The following KIAA0513 variants were observed in gnomAD, a reference collection of about 807,000 sequenced individuals.
KIAA0513 encodes the protein KIAA0513.
KIAA0513 carries 39 observed loss-of-function variants against 56.5 expected under a neutral mutation model. The observed-to-expected ratio is 0.69, with a 90% CI of 0.53 to 0.90. The LOEUF is 0.90. KIAA0513 is among the 40% of genes least tolerant of loss of function. The probability of loss-of-function intolerance (pLI) is 0.00; values close to 1 mark genes in which losing one functional copy is unlikely to be tolerated. For missense variants in KIAA0513, 591 were observed against 535.2 expected (o/e 1.10, Z -1.03); for synonymous variants, 268 against 215.6 (o/e 1.24, Z -2.13).
At chr16:85,045,579 C>T (rs943788860) in intron 1 of KIAA0513, among the ~76,000 whole-genome samples, 1 of 152,204 alleles carries the variant, frequency 6.6e-6, no homozygotes, top group Non-Finnish European at 1.5e-5. Flanking sequence ...TGGTCTCGAA[C>T]TCCTGACCTC....
rs572033286 is a variant in KIAA0513, at chr16:85,091,762, C to G, written c.*3437C>G. On this transcript the variant is annotated 3_prime_UTR_variant, in exon 13 of 13. Coordinates refer to ENST00000683363, the MANE Select transcript of KIAA0513 (RefSeq NM_001388359.1). ...AGATTCGCTTTTCCCTAGGCTGTTCCGCGTGGGTTACCTTATCACCCTGGA... is the reference window on the plus strand; with the variant it reads ...AGATTCGCTTTTCCCTAGGCTGTTCGGCGTGGGTTACCTTATCACCCTGGA... 6.6e-6 allele frequency: 1 copy of G among 152,156 alleles called. No homozygotes were observed. The highest frequency in any genetic ancestry group is 2.4e-5 in the African/African-American group (1 of 41,412). The allele number at this position is 152,156 out of a possible 1,614,324, so 9.4% of individuals were successfully genotyped here.
In KIAA0513 at chr16:85,077,477, C is replaced by T. The variant is rs189163639; in HGVS notation, c.627C>T (p.Ile209=). 4.3e-6 allele frequency: 7 copies of T among 1,614,188 alleles called. No individual in the cohort carries two copies. In the East Asian group the frequency reaches 6.7e-5, roughly 15 times the overall value. ...CCCGGGAGAAGCCCGCGGGCAGCAT[C>T]GACTCCTACCTGAAATCCGCAAACA... The part of the protein sequence containing the change: ...PESREKPAGS[I]DSYLKSANSW... Residue 209 remains isoleucine, a synonymous_variant, in exon 6 of 13, where the codon ATC becomes ATT. Coordinates refer to ENST00000683363, the MANE Select transcript of KIAA0513 (RefSeq NM_001388359.1).
At chr16:85,063,410 C>T (rs553334394) in intron 1 of KIAA0513, 1 of 152,410 alleles carries the variant, frequency 6.6e-6, no homozygotes, top group South Asian at 2.1e-4. Flanking sequence ...GGATTACAGG[C>T]ACCTGCCACC....
chr16:85,042,818 G>T (rs2073121431), intron 1 of KIAA0513, among the ~76,000 whole-genome samples: 1 of 152,200 alleles, frequency 6.6e-6, no homozygotes, highest in Non-Finnish European at 1.5e-5. Flanking sequence ...TTTCTGCAGG[G>T]CATTTGTGCC....
intron 12 of KIAA0513, 46 bp from the exon 13 acceptor site, chr16:85,088,230 C>G: frequency 6.4e-7 from 1 of 1,561,858 alleles, no homozygotes; most frequent in Non-Finnish European, 8.8e-7. Flanking sequence ...ATACCTGTCC[C>G]TGTCACTGTC....
Position 85,081,960 on chromosome 16 carries a change from C to A in KIAA0513, c.980+568C>A, listed in dbSNP as rs1002015227. On this transcript the variant is annotated intron_variant, in intron 9 of 12. Coordinates refer to ENST00000683363, the MANE Select transcript of KIAA0513 (RefSeq NM_001388359.1). The surrounding 1 kb of genome is among the most constrained non-coding windows in gnomAD (Gnocchi z 4.4). ...AAGCAAAGCTGCCGTCCACCATGTG[C>A]AGCGACATGACAGCGAGGGACGGCA... Among the ~76,000 whole-genome samples, 4 of 152,252 alleles carry A rather than the reference C, an allele frequency of 2.6e-5. No homozygotes were observed.
intron 1 of KIAA0513, among the ~76,000 whole-genome samples, chr16:85,064,981 G>A (rs1167271322): frequency 3.9e-5 from 6 of 152,198 alleles, no homozygotes; most frequent in East Asian, 1.9e-4. Context: ...CACCGCGCCC[G>A]GCCTATAATT....
At chr16:85,042,899 G>C (rs1254237724) in intron 1 of KIAA0513, among the ~76,000 whole-genome samples, 3 of 152,112 alleles carry the variant, frequency 2.0e-5, no homozygotes, top group Non-Finnish European at 2.9e-5. Flanking sequence ...AGAGACTTTT[G>C]AAATGTCTGA....
intron 1 of KIAA0513, among the ~76,000 whole-genome samples, chr16:85,050,110 G>T (rs1597603968): frequency 6.6e-6 from 1 of 151,946 alleles, no homozygotes; most frequent in African/African-American, 2.4e-5. Flanking sequence ...GGTGATCGCT[G>T]ATGGTAAACA....
At chr16:85,066,592 T>C (rs1281226852) in intron 1 of KIAA0513, among the ~76,000 whole-genome samples, 1 of 152,166 alleles carries the variant, frequency 6.6e-6, no homozygotes, top group African/African-American at 2.4e-5. Context: ...CAGCCCAGGA[T>C]GGGCCTTTTC....
intron 1 of KIAA0513, among the ~76,000 whole-genome samples, chr16:85,037,537 G>A (rs2073051348): frequency 6.6e-6 from 1 of 152,170 alleles, no homozygotes; most frequent in African/African-American, 2.4e-5. Context: ...ACCTAAGACT[G>A]CCTCCCGTAA....
chr16:85,038,240 C>T (rs944866237), intron 1 of KIAA0513, among the ~76,000 whole-genome samples: 2 of 152,198 alleles, frequency 1.3e-5, no homozygotes, highest in East Asian at 3.8e-4. Context: ...GGGCTGGGCC[C>T]CACGGCCTCT....
chr16:85,079,092 C>A (rs1238221923), intron 8 of KIAA0513, 89 bp downstream of exon 8: 9 of 1,598,274 alleles, frequency 5.6e-6, no homozygotes, highest in Non-Finnish European at 7.7e-6. Context: ...CCTTTGTCCC[C>A]ATCAGAATGG....
At chr16:85,041,301 T>C (rs2073100896) in intron 1 of KIAA0513, among the ~76,000 whole-genome samples, 2 of 152,210 alleles carry the variant, frequency 1.3e-5, no homozygotes, top group Admixed American at 1.3e-4. Flanking sequence ...CTGTCCGGAA[T>C]ATCTTCCGTT....
intron 1 of KIAA0513, among the ~76,000 whole-genome samples, chr16:85,044,301 G>A (rs765277450): frequency 6.6e-6 from 1 of 152,088 alleles, no homozygotes; most frequent in Non-Finnish European, 1.5e-5. Flanking sequence ...TAGTCCCCAG[G>A]AAGGCATGTC....
chr16:85,078,874 C>T (rs2073699269), intron 7 of KIAA0513, 51 bp from the exon 8 acceptor site: 1 of 1,600,868 alleles, frequency 6.2e-7, no homozygotes, highest in African/African-American at 1.3e-5. Flanking sequence ...GGTTTGCCAA[C>T]AGTGGGTGCG....
Position 85,092,468 on chromosome 16 carries a change from G to A in KIAA0513, c.*4143G>A, listed in dbSNP as rs980997505. On this transcript the variant is annotated 3_prime_UTR_variant, in exon 13 of 13. Coordinates refer to ENST00000683363, the MANE Select transcript of KIAA0513 (RefSeq NM_001388359.1). Reference sequence around the variant, plus strand: ...GTGGCCCAGCCCCAGCCTCAGGGACGGGGAGGGAGAGCCCCCTCTGGGCCC... The same window carrying A: ...GTGGCCCAGCCCCAGCCTCAGGGACAGGGAGGGAGAGCCCCCTCTGGGCCC... The A allele has an allele frequency of 6.6e-6, 1 of 152,142 alleles. No homozygotes were observed. The highest frequency in any genetic ancestry group is 2.4e-5 in the African/African-American group (1 of 41,430). The allele number at this position is 152,142 out of a possible 1,614,324, so 9.4% of individuals were successfully genotyped here.
chr16:85,028,930 A>G (rs2072925418), intron 1 of KIAA0513, among the ~76,000 whole-genome samples: 1 of 152,160 alleles, frequency 6.6e-6, no homozygotes, highest in African/African-American at 2.4e-5. Flanking sequence ...TTTCGGATTC[A>G]TTTCCTTAGA....
Position 85,086,728 on chromosome 16 carries a change from A to C in KIAA0513, c.1091+4A>C, listed in dbSNP as rs200180830. ...ACATCACCTTCGGGCAGCTGGGGTA[A>C]GGGCCAGAGTGGGAAAGCGGGAGGG... On this transcript the variant is annotated splice_donor_region_variant and intron_variant, in intron 11 of 12. Coordinates refer to ENST00000683363, the MANE Select transcript of KIAA0513 (RefSeq NM_001388359.1). The C allele has an allele frequency of 1.2e-5, 20 of 1,610,898 alleles. No individual in the cohort carries two copies. The Middle Eastern group carries it at 1.2e-3, about 93-fold the overall frequency.
Sources: allele counts gnomAD v4.1 joint callset (sites outside exome capture counted in the v4.1 genomes callset), GRCh38; gene constraint gnomAD v4.1.1; non-coding constraint Gnocchi (gnomAD v3.1); transcripts MANE v1.5; gene names NCBI Gene and HGNC (gene_info 2026-07-23, HGNC 2026-07-21).